Variants in TCF3 observed in about 807,000 individuals in gnomAD.
TCF3 encodes transcription factor 3.
A neutral mutation model predicts 72.3 loss-of-function variants in TCF3; 54 were observed. That is an observed-to-expected ratio of 0.75 (90% CI 0.60 to 0.94). The LOEUF (loss-of-function observed/expected upper bound fraction) is 0.94. Among genes scored for constraint, TCF3 ranks in the 40% least tolerant of loss-of-function variants. The pLI is 0.00. For synonymous variants in TCF3, 525 were observed against 412.6 expected, an observed-to-expected ratio of 1.27 and a Z score of -3.30; for missense variants, 1,078 against 934.4, an observed-to-expected ratio of 1.15 and a Z score of -2.00.
intron 3 of TCF3, among the ~76,000 whole-genome samples, chr19:1,644,274 G>T (rs542309795): frequency 6.6e-6 from 1 of 152,348 alleles, no homozygotes; most frequent in East Asian, 1.9e-4. Flanking sequence ...CAGCGCCACA[G>T]CCTGCAGGGG....
rs34203855 is a variant in TCF3 at position 1,621,905 on chromosome 19, G to A, written c.888C>T (p.Ala296=). Residue 296 remains alanine, a synonymous_variant, in exon 11 of 19, where the codon GCC becomes GCT. Coordinates refer to ENST00000262965, the MANE Select transcript of TCF3 (RefSeq NM_003200.5). ...GLPSASSFSS[A]PGATYGGVSS... ...AGACGCCGCCGTACGTGGCTCCGGG[G>A]GCTGAGGAGAAGGAGGATGCAGATG... The A allele has an allele frequency of 2.7e-3, 4,258 of 1,601,002 alleles. 7 individuals carry two copies. The highest frequency in any genetic ancestry group is 3.4e-3 in the Non-Finnish European group (3,994 of 1,175,286).
In TCF3 at chr19:1,621,879, G is replaced by T. The variant is rs141433039; in HGVS notation, c.914C>A (p.Ser305Tyr). The T allele has an allele frequency of 6.3e-7, 1 of 1,594,888 alleles. No individual in the cohort carries two copies. The highest frequency in any genetic ancestry group is 1.8e-5 in the Admixed American group (1 of 56,746). Residue 305 changes from serine (S) to tyrosine (Y), a missense_variant, in exon 11 of 19, where the codon TCC (serine) becomes TAC (tyrosine). Physicochemically the swap from Ser to Tyr is moderately radical, Grantham distance 144. Transcript: ENST00000262965. Reference sequence around the variant, plus strand: ...CCCGCTGACAGGCGGCGTGTGGCTGGAGACGCCGCCGTACGTGGCTCCGGG... The same window carrying T: ...CCCGCTGACAGGCGGCGTGTGGCTGTAGACGCCGCCGTACGTGGCTCCGGG... ...SAPGATYGGVSSHTPPVSGAD... is the reference protein window; with the variant it reads ...SAPGATYGGVYSHTPPVSGAD...
At chr19:1,620,674 TG>T (rs2062079343) in intron 13 of TCF3, among the ~76,000 whole-genome samples, 1 of 152,188 alleles carries the variant, frequency 6.6e-6, no homozygotes, top group South Asian at 2.1e-4. Context: ...TGCCTGGTTA[TG>T]TGCTATAGCC....
intron 7 of TCF3, among the ~76,000 whole-genome samples, chr19:1,624,369 C>G (rs1401824616): frequency 1.3e-5 from 2 of 152,166 alleles, no homozygotes; most frequent in Non-Finnish European, 2.9e-5. Context: ...GCACTCCAGC[C>G]TGGGGACAGA....
intron 1 of TCF3, chr19:1,650,872 G>T (rs1006305962): frequency 4.3e-5 from 10 of 230,198 alleles, no homozygotes; most frequent in Admixed American, 1.1e-4. Context: ...TGCCGGGGGT[G>T]GGGGGGACGC....
chr19:1,650,335 G>A lies in TCF3; in HGVS notation c.-39-48C>T, dbSNP rs1040424665. ...GATGGACAGGGAGAAACAGGGAGGGGAGAAGAGTTGTGAGTGGTCAAAGCA... is the reference window on the plus strand; with the variant it reads ...GATGGACAGGGAGAAACAGGGAGGGAAGAAGAGTTGTGAGTGGTCAAAGCA... On this transcript the variant is annotated intron_variant, in intron 1 of 18. Coordinates refer to ENST00000262965, the MANE Select transcript of TCF3 (RefSeq NM_003200.5). 13 of 1,380,264 alleles carry A rather than the reference G, an allele frequency of 9.4e-6. No individual in the cohort carries two copies. The Admixed American group carries it at 2.5e-4, about 26-fold the overall frequency. The allele number at this position is 1,380,264 out of a possible 1,614,324, so 85.5% of individuals were successfully genotyped here.
At chr19:1,617,387 G>A (rs942177810) in intron 16 of TCF3, among the ~76,000 whole-genome samples, 8 of 152,242 alleles carry the variant, frequency 5.3e-5, no homozygotes, top group African/African-American at 9.6e-5. Context: ...TAAAGAACAC[G>A]CTAGTGGGAC....
rs749725994 is a variant in TCF3, at chr19:1,611,858, A to AG, written c.1823-10dup. ...GGGATTCAGGTTCCGCTCTGGAGGG[A>AG]GGGGGGAGAGCTCTGTGGGAGACGG... On this transcript the variant is annotated splice_polypyrimidine_tract_variant and intron_variant, in intron 18 of 18. Coordinates refer to ENST00000262965, the MANE Select transcript of TCF3 (RefSeq NM_003200.5). 6 of 1,562,628 alleles carry AG rather than the reference A, an allele frequency of 3.8e-6. No homozygotes were observed. The highest frequency in any genetic ancestry group is 1.1e-5 in the South Asian group (1 of 89,780).
chr19:1,626,735 C>T (rs996810786), intron 6 of TCF3, among the ~76,000 whole-genome samples: 8 of 152,186 alleles, frequency 5.3e-5, no homozygotes, highest in African/African-American at 1.9e-4. Flanking sequence ...CGCGCATCTG[C>T]CCCTGGCGCA....
At chr19:1,625,263 A>T (rs1023120554) in intron 7 of TCF3, among the ~76,000 whole-genome samples, 2 of 152,228 alleles carry the variant, frequency 1.3e-5, no homozygotes, top group Admixed American at 6.5e-5. Flanking sequence ...CTCAGTGCAG[A>T]GGAGCCACGA....
At chr19:1,616,529 T>C (rs1300732536) in intron 16 of TCF3, 1 of 152,080 alleles carries the variant, frequency 6.6e-6, no homozygotes, top group Non-Finnish European at 1.5e-5. Context: ...CACGTCACCC[T>C]TGTGCAGATG....
chr19:1,612,213 C>T (rs1174203359), intron 18 of TCF3: 1 of 1,580,836 alleles, frequency 6.3e-7, no homozygotes, highest in Admixed American at 1.7e-5. Context: ...CTACCTCGCA[C>T]CTGCTGCTCC....
intron 1 of TCF3, among the ~76,000 whole-genome samples, chr19:1,651,950 G>C (rs1299394247): frequency 2.0e-5 from 3 of 150,978 alleles, no homozygotes; most frequent in Non-Finnish European, 3.0e-5. Flanking sequence ...GGGCGCCCCG[G>C]GGTCCCCGTG....
intron 6 of TCF3, 109 bp downstream of exon 6, chr19:1,627,250 G>A (rs1276547466): frequency 4.9e-6 from 4 of 817,272 alleles, no homozygotes; most frequent in Admixed American, 3.1e-5. Flanking sequence ...TCGCTATCAG[G>A]AAGCAAACAT....
intron 2 of TCF3, 126 bp from the exon 3 acceptor site, chr19:1,646,553 G>T: frequency 1.2e-6 from 1 of 805,216 alleles, no homozygotes; most frequent in Non-Finnish European, 2.0e-6. Flanking sequence ...GCTCCATCTA[G>T]GCCCGGCCCG....
At chr19:1,638,662 G>A (rs534587699) in intron 3 of TCF3, among the ~76,000 whole-genome samples, 4 of 152,340 alleles carry the variant, frequency 2.6e-5, no homozygotes, top group South Asian at 4.1e-4. Context: ...CGTTGAGAGC[G>A]CGAGAAACGG....
intron 5 of TCF3, among the ~76,000 whole-genome samples, chr19:1,630,551 C>A (rs1021332686): frequency 6.6e-6 from 1 of 152,164 alleles, no homozygotes; most frequent in Non-Finnish European, 1.5e-5. Flanking sequence ...GAGGGGTACA[C>A]GGTGAGCACC....
intron 8 of TCF3, among the ~76,000 whole-genome samples, chr19:1,622,684 G>A (rs775004932): frequency 9.2e-5 from 14 of 152,096 alleles, no homozygotes; most frequent in African/African-American, 1.2e-4. Context: ...CTTGGATCTG[G>A]CTCTGCCTAC....
rs938221856 is a variant in TCF3 at position 1,610,074 on chromosome 19, C to T, written c.*1633G>A. On this transcript the variant is annotated 3_prime_UTR_variant, in exon 19 of 19. Coordinates refer to ENST00000262965, the MANE Select transcript of TCF3 (RefSeq NM_003200.5). ...AGGGTAGGAGACTTGCAGTTTTAAA[C>T]CCAAGACAGTCCCCAGCCAGCTGGG... 1.3e-5 allele frequency: 3 copies of T among 232,686 alleles called. No homozygotes were observed. The highest frequency in any genetic ancestry group is 2.5e-5 in the Non-Finnish European group (3 of 117,778). 14.4% of individuals were successfully genotyped at this position (232,686 alleles called of 1,614,324 possible). A position where few individuals can be genotyped will look rare whatever the true frequency, so the allele number is the denominator to read the frequency against.
Sources: allele counts gnomAD v4.1 joint callset (sites outside exome capture counted in the v4.1 genomes callset), GRCh38; gene constraint gnomAD v4.1.1; transcripts MANE v1.5; gene names NCBI Gene and HGNC (gene_info 2026-07-23, HGNC 2026-07-21).